INPP4A: variants seen among roughly 807,000 people sequenced by gnomAD.
The protein encoded by INPP4A is inositol polyphosphate-4-phosphatase, type I, 107kD.
In INPP4A, 33 loss-of-function variants were observed where a neutral mutation model predicts 119.8. That is an observed-to-expected ratio of 0.28 (90% confidence interval 0.21 to 0.37). The LOEUF (loss-of-function observed/expected upper bound fraction) is 0.37, where lower values mean the gene tolerates loss of function less well. INPP4A is among the 10% of genes least tolerant of loss of function. The pLI is 1.00. For missense variants in INPP4A, 956 were observed against 1,289.9 expected (o/e 0.74, Z 3.97); for synonymous variants, 496 against 500.7 (o/e 0.99, Z 0.12).
intron 1 of INPP4A, among the ~76,000 whole-genome samples, chr2:98,470,119 A>C (rs1291071709): frequency 6.6e-6 from 1 of 152,248 alleles, no homozygotes; most frequent in Non-Finnish European, 1.5e-5. Context: ...TTCTCAGCAC[A>C]GTGGCCTGTG....
At chr2:98,481,505 A>G (rs1038062466) in intron 1 of INPP4A, among the ~76,000 whole-genome samples, 1 of 152,156 alleles carries the variant, frequency 6.6e-6, no homozygotes, top group Non-Finnish European at 1.5e-5. Context: ...AGGGAGCTGC[A>G]TTTGGCTTAA....
At chr2:98,487,834 C>A (rs903802838) in intron 1 of INPP4A, among the ~76,000 whole-genome samples, 1 of 152,188 alleles carries the variant, frequency 6.6e-6, no homozygotes, top group Non-Finnish European at 1.5e-5. Context: ...GAGTGTAAAA[C>A]TATTCTTAGA....
At chr2:98,499,683 T>G (rs537528131) in intron 1 of INPP4A, among the ~76,000 whole-genome samples, 1 of 150,084 alleles carries the variant, frequency 6.7e-6, no homozygotes, top group South Asian at 2.1e-4. Flanking sequence ...TAAACTTAAA[T>G]TTTTTTAGAG....
At chr2:98,470,224 T>G (rs1469422329) in intron 1 of INPP4A, among the ~76,000 whole-genome samples, 1 of 152,230 alleles carries the variant, frequency 6.6e-6, no homozygotes, top group Non-Finnish European at 1.5e-5. Context: ...TCAGAGTGTT[T>G]CCCTGTGGTC....
intron 1 of INPP4A, among the ~76,000 whole-genome samples, chr2:98,465,200 G>C (rs142268560): frequency 3.3e-5 from 5 of 152,338 alleles, no homozygotes; most frequent in African/African-American, 4.8e-5. Flanking sequence ...ATCAAGCTGT[G>C]GGCAAGGCCA....
intron 4 of INPP4A, among the ~76,000 whole-genome samples, chr2:98,524,890 A>G (rs1410684998): frequency 6.6e-6 from 1 of 152,232 alleles, no homozygotes; most frequent in Middle Eastern, 3.2e-3. Flanking sequence ...TGTTTGTTTT[A>G]GTTTGCTACT....
intron 1 of INPP4A, among the ~76,000 whole-genome samples, chr2:98,485,394 G>A (rs1450468588): frequency 2.0e-5 from 3 of 152,172 alleles, no homozygotes; most frequent in Non-Finnish European, 4.4e-5. Flanking sequence ...ACTGATTTTA[G>A]TTAAGGTATC....
At chr2:98,503,143 G>A (rs527385768) in intron 1 of INPP4A, among the ~76,000 whole-genome samples, 1 of 152,196 alleles carries the variant, frequency 6.6e-6, no homozygotes, top group Non-Finnish European at 1.5e-5. Context: ...CTTTGCTGGT[G>A]AGAAGGGATG....
chr2:98,547,158 G>A (rs1483143789), intron 13 of INPP4A, among the ~76,000 whole-genome samples: 1 of 152,214 alleles, frequency 6.6e-6, no homozygotes, highest in Non-Finnish European at 1.5e-5. Flanking sequence ...GGGTGGTGAA[G>A]GGCATTTCAG....
intron 17 of INPP4A, among the ~76,000 whole-genome samples, chr2:98,561,854 GA>G (rs1287449526): frequency 6.6e-6 from 1 of 152,212 alleles, no homozygotes; most frequent in Admixed American, 6.5e-5. Flanking sequence ...ACCGTTTGGC[GA>G]GAAAAACTTG....
chr2:98,455,911 A>G (rs1464522452), intron 1 of INPP4A, among the ~76,000 whole-genome samples: 1 of 152,230 alleles, frequency 6.6e-6, no homozygotes, highest in African/African-American at 2.4e-5. Context: ...CACACAGACC[A>G]CATTCTTCCT....
At chr2:98,548,101 C>T (rs1323342865) in intron 13 of INPP4A, among the ~76,000 whole-genome samples, 1 of 151,110 alleles carries the variant, frequency 6.6e-6, no homozygotes, top group African/African-American at 2.4e-5. Context: ...CAGCTAGGGG[C>T]GTCACTGATC....
At chr2:98,539,761 C>T in intron 10 of INPP4A, 86 bp downstream of exon 10, 6 of 1,365,498 alleles carry the variant, frequency 4.4e-6, no homozygotes, top group Non-Finnish European at 5.9e-6. Flanking sequence ...AGAGCACTGG[C>T]ATCAGATAGA....
chr2:98,463,819 C>A (rs549827235), intron 1 of INPP4A, among the ~76,000 whole-genome samples: 3 of 152,292 alleles, frequency 2.0e-5, no homozygotes, highest in African/African-American at 7.2e-5. Flanking sequence ...GAGCTGTTAG[C>A]CCTAGGGTCT....
intron 11 of INPP4A, among the ~76,000 whole-genome samples, chr2:98,544,683 AATT>A (rs1423557879): frequency 1.3e-5 from 2 of 152,186 alleles, no homozygotes; most frequent in Admixed American, 1.3e-4. Flanking sequence ...TAGCATTTTG[AATT>A]ATTCTCTATT....
At chr2:98,549,243 G>C (rs764568109) in intron 13 of INPP4A, among the ~76,000 whole-genome samples, 9 of 152,186 alleles carry the variant, frequency 5.9e-5, no homozygotes, top group Non-Finnish European at 1.0e-4. Context: ...CTCCCAGGAA[G>C]AGGAAGGGCC....
intron 1 of INPP4A, among the ~76,000 whole-genome samples, chr2:98,475,901 A>T (rs961847541): frequency 1.3e-5 from 2 of 152,146 alleles, no homozygotes; most frequent in African/African-American, 2.4e-5. Context: ...TTTATTTTAA[A>T]TTTTTTTCCA....
intron 23 of INPP4A, among the ~76,000 whole-genome samples, chr2:98,573,845 C>G (rs1697938066): frequency 6.6e-6 from 1 of 152,024 alleles, no homozygotes. Context: ...TGAATGTGCT[C>G]CACTTCTGGG....
intron 1 of INPP4A, among the ~76,000 whole-genome samples, chr2:98,490,961 A>G (rs1346240638): frequency 6.6e-6 from 1 of 152,176 alleles, no homozygotes; most frequent in Non-Finnish European, 1.5e-5. Flanking sequence ...CATTTTAATG[A>G]TAGCATTTTA....
Sources: gnomAD v4.1 joint callset for allele counts (sites outside exome capture counted in the v4.1 genomes callset) on GRCh38, gnomAD v4.1.1 for gene constraint, MANE v1.5 for transcripts, NCBI Gene and HGNC (gene_info 2026-07-23, HGNC 2026-07-21) for gene names.